Variants in BTBD7 observed in about 807,000 individuals in gnomAD.
The protein encoded by BTBD7 is BTB/POZ domain-containing protein 7.
In BTBD7, 38 loss-of-function variants were observed where a neutral mutation model predicts 99.9. The ratio of observed to expected loss-of-function variants is 0.38; its 90% CI spans 0.29 to 0.50. The LOEUF is 0.50. BTBD7 is among the 20% of genes least tolerant of loss of function. BTBD7 has a pLI of 0.93. For missense variants in BTBD7, 1,170 were observed against 1,394.6 expected, an observed-to-expected ratio of 0.84 and a Z score of 2.57; for synonymous variants, 520 against 511.4, an observed-to-expected ratio of 1.02 and a Z score of -0.23.
At chr14:93,257,442 T>A in intron 5 of BTBD7, 87 bp from the exon 6 acceptor site, 1 of 1,239,958 alleles carries the variant, frequency 8.1e-7, no homozygotes, top group Non-Finnish European at 1.1e-6. Context: ...ACACTAACAG[T>A]ACCACTCTAT....
At chr14:93,280,575 C>T (rs2052707037) in intron 3 of BTBD7, among the ~76,000 whole-genome samples, 1 of 152,064 alleles carries the variant, frequency 6.6e-6, no homozygotes, top group Non-Finnish European at 1.5e-5. Context: ...ATAAACATGC[C>T]AATACCTAAG....
chr14:93,327,155 T>C (rs905389983), intron 1 of BTBD7, among the ~76,000 whole-genome samples: 2 of 152,198 alleles, frequency 1.3e-5, no homozygotes, highest in African/African-American at 4.8e-5. Flanking sequence ...TGAGACTCTG[T>C]CTCAAGAAAA....
chr14:93,306,048 T>C (rs2053065854), intron 1 of BTBD7, among the ~76,000 whole-genome samples: 1 of 152,180 alleles, frequency 6.6e-6, no homozygotes, highest in African/African-American at 2.4e-5. Context: ...TCCCAACACA[T>C]GCAATGTGGG....
intron 3 of BTBD7, among the ~76,000 whole-genome samples, chr14:93,280,366 C>T (rs932379622): frequency 6.6e-6 from 1 of 152,184 alleles, no homozygotes; most frequent in African/African-American, 2.4e-5. Context: ...GAAAGGAACA[C>T]TGACAACGAA....
At chr14:93,274,377 A>G (rs1288116088) in intron 3 of BTBD7, among the ~76,000 whole-genome samples, 1 of 152,188 alleles carries the variant, frequency 6.6e-6, no homozygotes, top group African/African-American at 2.4e-5. Context: ...GTCTGCTGTG[A>G]AAATTGTGAC....
intron 6 of BTBD7, chr14:93,255,410 G>T (rs2052418405): frequency 6.6e-6 from 1 of 152,178 alleles, no homozygotes; most frequent in South Asian, 2.1e-4. Flanking sequence ...GCCTCTGAAA[G>T]TGCTGGGATT....
intron 1 of BTBD7, among the ~76,000 whole-genome samples, chr14:93,299,167 C>T (rs2052963812): frequency 1.3e-5 from 2 of 152,122 alleles, no homozygotes; most frequent in African/African-American, 2.4e-5. Flanking sequence ...CCCTGTGTTC[C>T]CCAGTTCCAG....
chr14:93,263,942 A>G lies in BTBD7; in HGVS notation c.1214T>C (p.Ile405Thr). Reference sequence around the variant, plus strand: ...ATATGGATGAGAACTCCACTTGAGGATGGCAATTAAGGTATCTAATGAGAT... The same window carrying G: ...ATATGGATGAGAACTCCACTTGAGGGTGGCAATTAAGGTATCTAATGAGAT... ...ESISLDTLIA[I>T]LKWSSHPYGS... The change falls in exon 4 of 11, where the codon ATC becomes ACC. Residue 405 changes from isoleucine to threonine, a missense_variant. This residue lies in a region of BTBD7 where 359 missense variants were observed against 497.9 expected (regional missense o/e 0.72). Transcript: ENST00000334746. 6.2e-7 allele frequency: 1 copy of G among 1,614,252 alleles called. No homozygotes were observed.
chr14:93,301,504 C>CAT (rs146779909), intron 1 of BTBD7, among the ~76,000 whole-genome samples: 16,460 of 150,030 alleles, frequency 0.11, 1,023 homozygotes, highest in African/African-American at 0.17. Flanking sequence ...AATATTTTTA[C>CAT]ATATATATAT....
Position 93,296,130 on chromosome 14 carries a change from G to T in BTBD7, c.-79C>A. On this transcript the variant is annotated 5_prime_UTR_variant, in exon 2 of 11. Coordinates refer to ENST00000334746, the MANE Select transcript of BTBD7 (RefSeq NM_001002860.4). ...GAGGCCTTTATGAACCTTCAACCCT[G>T]GATCCAGCAGCCTCTTTTCATCCAT... 1 of 1,429,656 alleles carries T rather than the reference G, an allele frequency of 7.0e-7. No individual in the cohort carries two copies. The highest frequency in any genetic ancestry group is 9.2e-7 in the Non-Finnish European group (1 of 1,084,116). The allele number at this position is 1,429,656 out of a possible 1,614,324, so 88.6% of individuals were successfully genotyped here.
chr14:93,301,028 T>C (rs2052998452), intron 1 of BTBD7, among the ~76,000 whole-genome samples: 2 of 152,000 alleles, frequency 1.3e-5, no homozygotes, highest in South Asian at 2.1e-4. Context: ...AGGATAGGAA[T>C]GTGGGGCAAA....
At chr14:93,304,300 A>T (rs997653349) in intron 1 of BTBD7, among the ~76,000 whole-genome samples, 1 of 152,138 alleles carries the variant, frequency 6.6e-6, no homozygotes, top group Non-Finnish European at 1.5e-5. Flanking sequence ...AAGATGGTTC[A>T]CTCTAGATTT....
intron 5 of BTBD7, among the ~76,000 whole-genome samples, chr14:93,261,323 T>G (rs2052487302): frequency 6.6e-6 from 1 of 152,246 alleles, no homozygotes; most frequent in African/African-American, 2.4e-5. Flanking sequence ...ATATGAAATT[T>G]TTCATTCTAG....
In BTBD7 at chr14:93,251,494, G is replaced by T; in HGVS notation, c.1911C>A (p.Ser637Arg). 1 of 1,606,294 alleles carries T rather than the reference G, an allele frequency of 6.2e-7. No individual in the cohort carries two copies. Among genetic ancestry groups the T allele is most frequent in the Non-Finnish European group, 8.5e-7 (1 of 1,174,512 alleles). ...TTTCGTTGGCTACAACTGAAGGAGG[G>T]CTTGACTGGTTGCTGCTGATCTGCT... ...SHQQISSNQS[S>R]PPSVVANEIP... Residue 637 changes from serine to arginine, a missense_variant, in exon 8 of 11, where the codon AGC becomes AGA. This residue lies in a region of BTBD7 where 309 missense variants were observed against 342.0 expected (regional missense o/e 0.90). Transcript: ENST00000334746.
At chr14:93,251,402 G>A in intron 8 of BTBD7, 61 bp downstream of exon 8, 1 of 1,485,894 alleles carries the variant, frequency 6.7e-7, no homozygotes, top group Non-Finnish European at 9.1e-7. Flanking sequence ...TCAAACATCA[G>A]CAATTTCAAA....
chr14:93,248,330 C>A, intron 9 of BTBD7, 146 bp downstream of exon 9: 1 of 780,394 alleles, frequency 1.3e-6, no homozygotes, highest in Non-Finnish European at 2.0e-6. Flanking sequence ...CCAGGAGGGA[C>A]TTGCAGGTTA....
intron 3 of BTBD7, among the ~76,000 whole-genome samples, chr14:93,271,775 C>T (rs140631074): frequency 9.1e-4 from 137 of 151,296 alleles, no homozygotes; most frequent in African/African-American, 2.9e-3. Context: ...GAGGCCAAGA[C>T]GGGCGGATCG....
At position 93,258,410 on chromosome 14, in the gene BTBD7, T is replaced by C. The variant is rs566343380; in HGVS notation, c.1448-1055A>G. On this transcript the variant is annotated intron_variant, in intron 5 of 10. Transcript: ENST00000334746. Reference sequence around the variant, plus strand: ...ATTTTTTTTTCTTAAAGTAGTGACATCCTGTTTTCATATAAAATCTTACAT... The same window carrying C: ...ATTTTTTTTTCTTAAAGTAGTGACACCCTGTTTTCATATAAAATCTTACAT... Among the ~76,000 whole-genome samples the C allele has an allele frequency of 7.2e-5, 11 of 152,162 alleles. No individual in the cohort carries two copies. The South Asian group carries it at 1.9e-3, about 26-fold the overall frequency.
At chr14:93,284,062 TTACTA>T (rs1295990699) in intron 3 of BTBD7, among the ~76,000 whole-genome samples, 1 of 152,112 alleles carries the variant, frequency 6.6e-6, no homozygotes, top group Non-Finnish European at 1.5e-5. Flanking sequence ...TTAATTCTCA[TTACTA>T]TACCTTTTTA....
Sources: gnomAD v4.1 joint callset for allele counts (sites outside exome capture counted in the v4.1 genomes callset) on GRCh38, gnomAD v4.1.1 for gene constraint, gnomAD v4.1.1 regional missense constraint, MANE v1.5 for transcripts, NCBI Gene and HGNC (gene_info 2026-07-23, HGNC 2026-07-21) for gene names.